The following SPG11 variants were observed in gnomAD, a reference collection of about 807,000 sequenced individuals.
SPG11 encodes SPG11 vesicle trafficking associated, spatacsin.
Under a neutral mutation model 274.0 loss-of-function variants are expected in SPG11, and 222 were observed. The observed-to-expected ratio is 0.81, with a 90% confidence interval of 0.73 to 0.91. The LOEUF is 0.91. Among genes scored for constraint, SPG11 ranks in the 40% least tolerant of loss-of-function variants. The pLI is 0.00. For synonymous variants in SPG11, 1,144 were observed against 1,039.7 expected, an observed-to-expected ratio of 1.10 and a Z score of -1.93; for missense variants, 3,114 against 2,872.7, an observed-to-expected ratio of 1.08 and a Z score of -1.92.
At chr15:44,660,974 T>G (rs74009196) in intron 1 of SPG11, among the ~76,000 whole-genome samples, 4,173 of 152,244 alleles carry the variant, frequency 0.027, 194 homozygotes, top group African/African-American at 0.096. Flanking sequence ...TTATATGAGG[T>G]GGTATTCACA....
Position 44,598,260 on chromosome 15 carries a change from C to A in SPG11, c.4001+5G>T. 6.2e-7 allele frequency: 1 copy of A among 1,608,396 alleles called. No homozygotes were observed. Among genetic ancestry groups the A allele is most frequent in the Non-Finnish European group, 8.5e-7 (1 of 1,174,808 alleles). On this transcript the variant is annotated splice_donor_5th_base_variant and intron_variant, in intron 23 of 39. Transcript: ENST00000261866. ...GAAAAGAGGCTGAGACTGCAACTCA[C>A]AAACCTCTTTATTTCCTGTTGCTGA... is the stretch of plus-strand genomic sequence containing the variant.
At chr15:44,573,239 C>A in intron 32 of SPG11, 1 of 546,240 alleles carries the variant, frequency 1.8e-6, no homozygotes, top group Non-Finnish European at 3.3e-6. Flanking sequence ...CCAGCCTTGG[C>A]CTCCCAAAGT....
chr15:44,618,432 G>A (rs1725396678), intron 15 of SPG11, among the ~76,000 whole-genome samples: 1 of 150,070 alleles, frequency 6.7e-6, no homozygotes, highest in Non-Finnish European at 1.5e-5. Context: ...GCAGGAGAAT[G>A]AGGAGACCTG....
intron 35 of SPG11, among the ~76,000 whole-genome samples, chr15:44,569,175 AAAAG>A (rs1291245036): frequency 5.9e-5 from 9 of 151,592 alleles, no homozygotes; most frequent in African/African-American, 9.7e-5. Flanking sequence ...AAAAAAAAAA[AAAAG>A]AAAAAGAAAA....
chr15:44,636,925 C>CAAAAAAAAAAAAACAA (rs2084275682), intron 7 of SPG11, among the ~76,000 whole-genome samples: 65 of 19,374 alleles, frequency 3.4e-3, no homozygotes, highest in East Asian at 0.014. Flanking sequence ...GACTCCATCT[C>CAAAAAAAAAAAAACAA]AAAAAAAAAA....
Position 44,648,936 on chromosome 15 carries a change from G to C in SPG11, c.1532C>G (p.Ala511Gly). 1.2e-6 allele frequency: 2 copies of C among 1,613,850 alleles called. No individual in the cohort carries two copies. The change falls in exon 7 of 40, where the codon GCC becomes GGC. Residue 511 changes from alanine (A) to glycine (G), a missense_variant. Physicochemically the swap from Ala to Gly is moderately conservative, Grantham distance 60. Coordinates refer to ENST00000261866, the MANE Select transcript of SPG11 (RefSeq NM_025137.4). ...ATGACAAAGAGTGTCCACAGTGCTG[G>C]CACTTCCATGGATCATGAGTCTGTT... ...FLNRLMIHGS[A>G]STVDTLCHLN... is the part of the protein sequence containing the mutation.
chr15:44,614,942 G>T (rs1014748872), intron 16 of SPG11, among the ~76,000 whole-genome samples: 2 of 152,248 alleles, frequency 1.3e-5, no homozygotes, highest in Non-Finnish European at 2.9e-5. Context: ...TGTGTCTATA[G>T]AAATATAAAT....
In SPG11 at chr15:44,651,916, G is replaced by A. The variant is rs776948550; in HGVS notation, c.1031C>T (p.Ser344Leu). Residue 344 changes from serine to leucine, a missense_variant, in exon 6 of 40, where the codon TCA becomes TTA. By Grantham distance (145) the Ser-to-Leu change is moderately radical. Coordinates refer to ENST00000261866, the MANE Select transcript of SPG11 (RefSeq NM_025137.4). Reference sequence around the variant, plus strand: ...GGAGTTCTTTATTGTTTCATTCAATGATGATAGCTGGGCTTTCCAAGACCT... The same window carrying A: ...GGAGTTCTTTATTGTTTCATTCAATAATGATAGCTGGGCTTTCCAAGACCT... ...IDRSWKAQLS[S>L]LNETIKNSKL... The A allele has an allele frequency of 1.2e-5, 19 of 1,611,688 alleles. No homozygotes were observed. Among genetic ancestry groups the A allele is most frequent in the Non-Finnish European group, 1.6e-5 (19 of 1,179,600 alleles).
intron 38 of SPG11, among the ~76,000 whole-genome samples, chr15:44,564,994 C>A (rs1028150719): frequency 6.6e-6 from 1 of 152,202 alleles, no homozygotes; most frequent in Non-Finnish European, 1.5e-5. Flanking sequence ...GCCTCAGCCT[C>A]CTGCATATCT....
intron 7 of SPG11, among the ~76,000 whole-genome samples, chr15:44,636,835 A>G (rs1276156579): frequency 6.7e-6 from 1 of 148,564 alleles, no homozygotes; most frequent in Non-Finnish European, 1.5e-5. Context: ...CTGAGAGAGG[A>G]GAATCGCTTG....
At chr15:44,645,516 T>C (rs1406092047) in intron 7 of SPG11, among the ~76,000 whole-genome samples, 3 of 152,152 alleles carry the variant, frequency 2.0e-5, no homozygotes, top group African/African-American at 7.2e-5. Context: ...ATAAAAACCC[T>C]GGAAGATAAC....
In SPG11 at chr15:44,629,402, A is replaced by G; in HGVS notation, c.1736-14T>C. The G allele has an allele frequency of 6.2e-7, 1 of 1,613,430 alleles. No homozygotes were observed. The highest frequency in any genetic ancestry group is 8.5e-7 in the Non-Finnish European group (1 of 1,179,586). ...GCTCTTCCACATCTGAGAAAGAACC[A>G]AAGAAATTAACATAAAGAACACCAG... On this transcript the variant is annotated splice_polypyrimidine_tract_variant and intron_variant, in intron 8 of 39. Transcript: ENST00000261866.
At chr15:44,592,295 A>C (rs775661727) in intron 27 of SPG11, 36 bp downstream of exon 27, 1 of 1,261,990 alleles carries the variant, frequency 7.9e-7, no homozygotes, top group African/African-American at 1.5e-5. Context: ...AACCAAGTGC[A>C]GATCAGTGAG....
At chr15:44,660,795 CT>C (rs2085083183) in intron 1 of SPG11, among the ~76,000 whole-genome samples, 179 bp from the exon 2 acceptor site, 1 of 152,136 alleles carries the variant, frequency 6.6e-6, no homozygotes, top group Non-Finnish European at 1.5e-5. Flanking sequence ...TCCCGCTTCC[CT>C]TTTACACCAA....
chr15:44,622,111 G>C, intron 13 of SPG11, 109 bp downstream of exon 13: 1 of 1,314,532 alleles, frequency 7.6e-7, no homozygotes, highest in Non-Finnish European at 1.1e-6. Flanking sequence ...TATCTCCAAG[G>C]AGAATGCAGG....
At chr15:44,600,430 C>A in intron 21 of SPG11, 37 bp downstream of exon 21, 1 of 1,608,976 alleles carries the variant, frequency 6.2e-7, no homozygotes, top group South Asian at 1.1e-5. Context: ...AGGTGTGAAC[C>A]ACTGTACCCA....
At chr15:44,573,949 G>A in intron 31 of SPG11, 1 of 608,592 alleles carries the variant, frequency 1.6e-6, no homozygotes, top group Non-Finnish European at 2.9e-6. Flanking sequence ...GTAAAAGAAA[G>A]GCTTGTATTC....
chr15:44,592,752 G>A (rs990214471), intron 26 of SPG11, among the ~76,000 whole-genome samples: 1 of 152,100 alleles, frequency 6.6e-6, no homozygotes, highest in Non-Finnish European at 1.5e-5. Flanking sequence ...CCTGGGAGGT[G>A]GAGGTTGCAA....
intron 30 of SPG11, 49 bp from the exon 31 acceptor site, chr15:44,575,090 C>A: frequency 6.2e-7 from 1 of 1,608,286 alleles, no homozygotes; most frequent in South Asian, 1.1e-5. Context: ...AGGTTCTGGC[C>A]TCTCCCTAGC....
Sources: allele counts gnomAD v4.1 joint callset (sites outside exome capture counted in the v4.1 genomes callset), GRCh38; gene constraint gnomAD v4.1.1; transcripts MANE v1.5; gene names NCBI Gene and HGNC (gene_info 2026-07-23, HGNC 2026-07-21).